SUCLA2: variants seen among roughly 807,000 people sequenced by gnomAD.
SUCLA2 encodes succinate-CoA ligase ADP-forming subunit beta.
SUCLA2 carries 30 observed loss-of-function variants against 54.8 expected under a neutral mutation model. The observed-to-expected ratio is 0.55, with a 90% CI of 0.41 to 0.74. The LOEUF (loss-of-function observed/expected upper bound fraction) is 0.74. SUCLA2 is among the 30% of genes least tolerant of loss of function. The pLI, the probability that SUCLA2 is intolerant of heterozygous loss-of-function variation, is 0.00. For missense variants in SUCLA2, 476 were observed against 562.9 expected, an observed-to-expected ratio of 0.85 and a Z score of 1.56; for synonymous variants, 172 against 188.9, an observed-to-expected ratio of 0.91 and a Z score of 0.74.
chr13:47,949,489 A>ACC lies in SUCLA2; in HGVS notation c.1220_1221dup (p.Leu408GlyfsTer13), dbSNP rs1321402361. On this transcript the variant is annotated frameshift_variant, in exon 9 of 11. Coordinates refer to ENST00000646932, the MANE Select transcript of SUCLA2 (RefSeq NM_003850.3). LOFTEE classifies it high-confidence loss of function. ...AGATACCTTTTATACTCACCTTGTA[A>ACC]CCGTACCACAACAGGTATTTTAATT... 1 of 1,613,530 alleles carries ACC rather than the reference A, an allele frequency of 6.2e-7. No individual in the cohort carries two copies.
At chr13:47,967,400 TGATTA>T (rs752892699) in intron 6 of SUCLA2, among the ~76,000 whole-genome samples, 4 of 152,040 alleles carry the variant, frequency 2.6e-5, no homozygotes, top group African/African-American at 4.8e-5. Flanking sequence ...AAATATTAAT[TGATTA>T]AAGACTTAAA....
chr13:47,943,593 A>C, intron 10 of SUCLA2, 148 bp from the exon 11 acceptor site: 1 of 704,206 alleles, frequency 1.4e-6, no homozygotes, highest in Non-Finnish European at 2.5e-6. Context: ...TTATAAGCAA[A>C]TGACATTCTC....
chr13:47,971,668 G>C (rs1159525277), intron 5 of SUCLA2: 1 of 376,646 alleles, frequency 2.7e-6, no homozygotes, highest in Non-Finnish European at 4.7e-6. Flanking sequence ...TTGAAAGAAG[G>C]ACCACAGCGT....
intron 10 of SUCLA2, among the ~76,000 whole-genome samples, chr13:47,945,361 TA>T (rs1016232374): frequency 1.5e-5 from 2 of 135,364 alleles, no homozygotes; most frequent in Admixed American, 8.6e-5. Context: ...AGGCAAAGGT[TA>T]CAGTGAGCTG....
intron 6 of SUCLA2, 26 bp from the exon 7 acceptor site, chr13:47,954,583 A>G (rs1163960139): frequency 1.2e-6 from 2 of 1,611,398 alleles, no homozygotes; most frequent in East Asian, 2.2e-5. Flanking sequence ...GAGAAAAATG[A>G]CCTTAATTTC....
chr13:47,966,235 T>C (rs1350726202), intron 6 of SUCLA2, among the ~76,000 whole-genome samples: 12 of 152,070 alleles, frequency 7.9e-5, no homozygotes, highest in Non-Finnish European at 1.6e-4. Context: ...CTAAAGTGTA[T>C]TTAGGAGTTC....
At chr13:47,981,688 C>T (rs542619005) in intron 4 of SUCLA2, among the ~76,000 whole-genome samples, 4 of 152,276 alleles carry the variant, frequency 2.6e-5, no homozygotes, top group South Asian at 2.1e-4. Flanking sequence ...TGGTGGTGCA[C>T]GCCTGTAGTC....
At chr13:47,962,807 T>C (rs887023909) in intron 6 of SUCLA2, among the ~76,000 whole-genome samples, 4 of 152,268 alleles carry the variant, frequency 2.6e-5, no homozygotes, top group African/African-American at 9.6e-5. Flanking sequence ...CATAGACTGT[T>C]CTTTTGGATA....
At position 47,997,160 on chromosome 13, in the gene SUCLA2, G is replaced by A. The variant is rs1315893809; in HGVS notation, c.91-137C>T. On this transcript the variant is annotated intron_variant, in intron 1 of 10. Transcript: ENST00000646932. The stretch of plus-strand genomic sequence containing the variant: ...CAATATTCAGAGTACCTGAATTACA[G>A]CATAAAACTAAAAGCTAGCCTATCA... 4 of 882,136 alleles carry A rather than the reference G, an allele frequency of 4.5e-6. No individual in the cohort carries two copies. In the African/African-American group the frequency reaches 5.0e-5, roughly 11 times the overall value. The allele number at this position is 882,136 out of a possible 1,614,324, so 54.6% of individuals were successfully genotyped here. A position where few individuals can be genotyped will look rare whatever the true frequency, so the allele number is the denominator to read the frequency against.
At chr13:47,988,394 A>G (rs937036327) in intron 4 of SUCLA2, 147 bp downstream of exon 4, 1 of 869,246 alleles carries the variant, frequency 1.2e-6, no homozygotes, top group Non-Finnish European at 1.7e-6. Context: ...CTGTTTTTTA[A>G]ATGACATAAA....
chr13:47,981,249 C>A (rs1033997737), intron 4 of SUCLA2, among the ~76,000 whole-genome samples: 9 of 151,502 alleles, frequency 5.9e-5, no homozygotes, highest in African/African-American at 1.9e-4. Context: ...AACTCAATAA[C>A]CAAAAAAGTA....
At chr13:47,954,707 A>G in intron 6 of SUCLA2, 150 bp from the exon 7 acceptor site, 1 of 938,572 alleles carries the variant, frequency 1.1e-6, no homozygotes, top group Non-Finnish European at 1.6e-6. Context: ...CTATGAATTC[A>G]AACTGTTCTT....
At position 47,942,661 on chromosome 13, in the gene SUCLA2, T is replaced by G. The variant is rs938949590; in HGVS notation, c.*710A>C. The stretch of plus-strand genomic sequence containing the variant: ...ACAAAAGCCATGAACCCAAATCATA[T>G]TGGGAGATTTTTATTAACTTAAATT... On this transcript the variant is annotated 3_prime_UTR_variant, in exon 11 of 11. Coordinates refer to ENST00000646932, the MANE Select transcript of SUCLA2 (RefSeq NM_003850.3). 1 of 152,268 alleles carries G rather than the reference T, an allele frequency of 6.6e-6. No individual in the cohort carries two copies. The highest frequency in any genetic ancestry group is 1.5e-5 in the Non-Finnish European group (1 of 68,088). 9.4% of individuals were successfully genotyped at this position (152,268 alleles called of 1,614,324 possible).
Position 47,943,346 on chromosome 13 carries a change from T to C in SUCLA2, c.*25A>G. ...TAATGATTATAGCACATTTAACACC[T>C]TCAGCCATCCACTGGGTTTTCAGAT... On this transcript the variant is annotated 3_prime_UTR_variant, in exon 11 of 11. Coordinates refer to ENST00000646932, the MANE Select transcript of SUCLA2 (RefSeq NM_003850.3). The C allele has an allele frequency of 5.0e-6, 8 of 1,609,016 alleles. No individual in the cohort carries two copies. Among genetic ancestry groups the C allele is most frequent in the Non-Finnish European group, 6.8e-6 (8 of 1,175,518 alleles).
intron 4 of SUCLA2, 185 bp downstream of exon 4, chr13:47,988,356 T>C (rs1385154476): frequency 1.1e-5 from 7 of 625,046 alleles, no homozygotes; most frequent in African/African-American, 1.9e-5. Flanking sequence ...CATGATATTA[T>C]ATATCAAATT....
chr13:47,974,900 GA>G (rs1303213246), intron 4 of SUCLA2, among the ~76,000 whole-genome samples: 2 of 151,952 alleles, frequency 1.3e-5, no homozygotes, highest in African/African-American at 4.8e-5. Flanking sequence ...TGTTACGTAT[GA>G]AAAAAATGAT....
intron 6 of SUCLA2, among the ~76,000 whole-genome samples, chr13:47,966,842 G>A (rs1049739740): frequency 2.0e-5 from 3 of 151,804 alleles, no homozygotes; most frequent in South Asian, 2.1e-4. Flanking sequence ...TTGAGGGCCC[G>A]TCTCTACAAA....
chr13:47,992,739 G>C (rs1950159621), intron 2 of SUCLA2, among the ~76,000 whole-genome samples: 1 of 152,054 alleles, frequency 6.6e-6, no homozygotes, highest in African/African-American at 2.4e-5. Context: ...CTTGTATACA[G>C]GTATCTAACT....
At chr13:47,984,078 T>C (rs1950080171) in intron 4 of SUCLA2, among the ~76,000 whole-genome samples, 2 of 152,230 alleles carry the variant, frequency 1.3e-5, no homozygotes, top group African/African-American at 4.8e-5. Context: ...AATGAATAGC[T>C]ATTTCATGTT....
Sources: allele counts gnomAD v4.1 joint callset (sites outside exome capture counted in the v4.1 genomes callset), GRCh38; gene constraint gnomAD v4.1.1; transcripts MANE v1.5; gene names NCBI Gene and HGNC (gene_info 2026-07-23, HGNC 2026-07-21).